Variants in MAGI1 observed in about 807,000 individuals in gnomAD.
The protein encoded by MAGI1 is membrane-associated guanylate kinase, WW and PDZ domain-containing protein 1.
In MAGI1, 58 loss-of-function variants were observed where a neutral mutation model predicts 139.9. The ratio of observed to expected loss-of-function variants is 0.41; its 90% CI spans 0.34 to 0.52. MAGI1 has a LOEUF of 0.52. Ranked by LOEUF, MAGI1 falls within the 20% of genes least tolerant of loss-of-function variation. The probability of loss-of-function intolerance (pLI) is 0.12; values close to 1 mark genes in which losing one functional copy is unlikely to be tolerated. For missense variants in MAGI1, 1,874 were observed against 1,901.6 expected (o/e 0.99, Z 0.27); for synonymous variants, 812 against 737.9 (o/e 1.10, Z -1.63).
chr3:65,470,741 C>T (rs985013996), intron 4 of MAGI1, among the ~76,000 whole-genome samples: 1 of 152,264 alleles, frequency 6.6e-6, no homozygotes, highest in East Asian at 1.9e-4. Flanking sequence ...CCAAGTAATG[C>T]ATTGCTCACA....
chr3:65,750,634 C>T (rs1300479680), intron 1 of MAGI1, among the ~76,000 whole-genome samples: 3 of 152,184 alleles, frequency 2.0e-5, no homozygotes, highest in East Asian at 1.9e-4. Context: ...AAGCAGTCAA[C>T]GAATAGCCTA....
chr3:65,562,691 T>C (rs2080417788), intron 2 of MAGI1, among the ~76,000 whole-genome samples: 1 of 152,198 alleles, frequency 6.6e-6, no homozygotes, highest in Non-Finnish European at 1.5e-5. Context: ...ATGGTAAACT[T>C]CCTTTTGTAA....
At chr3:65,476,441 T>C (rs1036963139) in intron 4 of MAGI1, among the ~76,000 whole-genome samples, 2 of 152,174 alleles carry the variant, frequency 1.3e-5, no homozygotes, top group African/African-American at 2.4e-5. Context: ...CAAGTTGTTC[T>C]AAGATGCCAG....
At chr3:65,405,714 C>T (rs1433332399) in intron 12 of MAGI1, among the ~76,000 whole-genome samples, 1 of 152,166 alleles carries the variant, frequency 6.6e-6, no homozygotes, top group Non-Finnish European at 1.5e-5. Context: ...CCTGCCTCAG[C>T]CTCCTGAGTA....
chr3:65,987,108 G>A (rs1335403406), intron 1 of MAGI1, among the ~76,000 whole-genome samples: 1 of 152,188 alleles, frequency 6.6e-6, no homozygotes, highest in African/African-American at 2.4e-5. Flanking sequence ...CTGACCTCAA[G>A]TGATCCGCCT....
chr3:65,499,985 T>G (rs894919418), intron 2 of MAGI1, among the ~76,000 whole-genome samples: 5 of 152,082 alleles, frequency 3.3e-5, no homozygotes, highest in African/African-American at 9.7e-5. Context: ...AAGACCTGAT[T>G]CTTGGATATT....
At chr3:65,748,080 T>A (rs1397394145) in intron 1 of MAGI1, among the ~76,000 whole-genome samples, 2 of 152,130 alleles carry the variant, frequency 1.3e-5, no homozygotes, top group East Asian at 3.9e-4. Context: ...TGATGATAGC[T>A]AAGAGGGACA....
In MAGI1 at chr3:65,364,950, C is replaced by T. The variant is rs767959307; in HGVS notation, c.3197-4G>A. ...AGCAAGGTGGCATTCGAGGACTCTG[C>T]AAAGAGGGACAGAGCATAAAGAAAT... On this transcript the variant is annotated splice_region_variant and splice_polypyrimidine_tract_variant and intron_variant, in intron 18 of 22. Transcript: ENST00000402939. 20 of 1,612,550 alleles carry T rather than the reference C, an allele frequency of 1.2e-5. No individual in the cohort carries two copies. The highest frequency in any genetic ancestry group is 6.8e-6 in the Non-Finnish European group (8 of 1,178,804).
At chr3:65,827,677 A>C (rs1406247264) in intron 1 of MAGI1, among the ~76,000 whole-genome samples, 1 of 152,136 alleles carries the variant, frequency 6.6e-6, no homozygotes, top group African/African-American at 2.4e-5. Context: ...TTCAAGGTCT[A>C]CTCAACTACA....
chr3:65,795,397 G>A (rs897369398), intron 1 of MAGI1, among the ~76,000 whole-genome samples: 6 of 152,180 alleles, frequency 3.9e-5, no homozygotes, highest in Admixed American at 2.6e-4. Flanking sequence ...CCTGGATGAC[G>A]CCCTCAGGTG....
At chr3:65,440,550 C>A (rs1178830589) in intron 8 of MAGI1, among the ~76,000 whole-genome samples, 4 of 152,160 alleles carry the variant, frequency 2.6e-5, no homozygotes, top group Non-Finnish European at 5.9e-5. Context: ...AATGCCAGAA[C>A]TGCTGTGTAA....
chr3:65,863,184 T>A (rs1013912380), intron 1 of MAGI1, among the ~76,000 whole-genome samples: 2 of 152,194 alleles, frequency 1.3e-5, no homozygotes, highest in Non-Finnish European at 2.9e-5. Context: ...AAGGAACAGT[T>A]CAAATACCAT....
chr3:65,714,221 T>C (rs1253867727), intron 1 of MAGI1, among the ~76,000 whole-genome samples: 1 of 152,184 alleles, frequency 6.6e-6, no homozygotes. Flanking sequence ...TGAGTGACTC[T>C]TGTAGGGAGA....
At chr3:65,474,712 C>T (rs1296995221) in intron 4 of MAGI1, among the ~76,000 whole-genome samples, 1 of 152,068 alleles carries the variant, frequency 6.6e-6, no homozygotes, top group Non-Finnish European at 1.5e-5. Flanking sequence ...TTCTGAAGCT[C>T]GTTTTAAATT....
At chr3:65,988,411 G>A (rs2065994870) in intron 1 of MAGI1, among the ~76,000 whole-genome samples, 1 of 152,098 alleles carries the variant, frequency 6.6e-6, no homozygotes, top group African/African-American at 2.4e-5. Flanking sequence ...GAGGGTGGAG[G>A]TCTCTCCTCA....
intron 1 of MAGI1, among the ~76,000 whole-genome samples, chr3:66,007,082 T>C (rs2067061483): frequency 6.6e-6 from 1 of 151,816 alleles, no homozygotes; most frequent in South Asian, 2.1e-4. Flanking sequence ...TTCAAGCAAT[T>C]CTCCCACCTC....
At chr3:65,939,911 G>A (rs1453768284) in intron 1 of MAGI1, among the ~76,000 whole-genome samples, 1 of 152,038 alleles carries the variant, frequency 6.6e-6, no homozygotes, top group East Asian at 1.9e-4. Flanking sequence ...TACAGTCCCT[G>A]GAGATCAAGG....
At chr3:65,794,484 G>C (rs531349788) in intron 1 of MAGI1, among the ~76,000 whole-genome samples, 4 of 152,020 alleles carry the variant, frequency 2.6e-5, no homozygotes, top group African/African-American at 4.8e-5. Flanking sequence ...CTCAATCTCT[G>C]AGCTCACCTG....
intron 1 of MAGI1, among the ~76,000 whole-genome samples, chr3:65,933,054 T>C (rs957737635): frequency 6.6e-6 from 1 of 152,246 alleles, no homozygotes; most frequent in Non-Finnish European, 1.5e-5. Flanking sequence ...TCAGGGAAGC[T>C]TACAGTTATA....
Sources: allele counts gnomAD v4.1 joint callset (sites outside exome capture counted in the v4.1 genomes callset), GRCh38; gene constraint gnomAD v4.1.1; transcripts MANE v1.5; gene names NCBI Gene and HGNC (gene_info 2026-07-23, HGNC 2026-07-21).